The following WDR47 variants were observed in gnomAD, a reference collection of about 807,000 sequenced individuals.
The protein encoded by WDR47 is WD repeat-containing protein 47.
Under a neutral mutation model 97.2 loss-of-function variants are expected in WDR47, and 32 were observed. The ratio of observed to expected loss-of-function variants is 0.33; its 90% CI spans 0.25 to 0.44. WDR47 has a LOEUF of 0.44. Ranked by LOEUF, WDR47 falls within the 20% of genes least tolerant of loss-of-function variation. The pLI is 1.00. For synonymous variants in WDR47, 375 were observed against 373.5 expected, an observed-to-expected ratio of 1.00 and a Z score of -0.05; for missense variants, 782 against 1,102.3, an observed-to-expected ratio of 0.71 and a Z score of 4.11.
intron 7 of WDR47, among the ~76,000 whole-genome samples, chr1:108,996,539 G>C (rs1377736561): frequency 6.6e-6 from 1 of 152,124 alleles, no homozygotes; most frequent in Non-Finnish European, 1.5e-5. Context: ...CATCTGTCTT[G>C]AGTAGTATCA....
At chr1:108,984,363 G>T (rs1658597374) in intron 10 of WDR47, among the ~76,000 whole-genome samples, 1 of 152,152 alleles carries the variant, frequency 6.6e-6, no homozygotes, top group South Asian at 2.1e-4. Context: ...TGTTTCTGGA[G>T]ATTCATCCTG....
At chr1:109,041,124 GC>G (rs1297926874) in intron 1 of WDR47, among the ~76,000 whole-genome samples, 7 of 89,634 alleles carry the variant, frequency 7.8e-5, no homozygotes, top group Non-Finnish European at 1.6e-4. Flanking sequence ...GCCTACCCTC[GC>G]CCCCCGCCCC....
intron 2 of WDR47, among the ~76,000 whole-genome samples, chr1:109,020,119 A>T (rs961531745): frequency 1.3e-5 from 2 of 152,164 alleles, no homozygotes; most frequent in African/African-American, 4.8e-5. Context: ...TTTTTAAATA[A>T]AAATAAGGCA....
chr1:108,974,427 T>A (rs1049043064), intron 14 of WDR47, 109 bp downstream of exon 14: 1 of 817,350 alleles, frequency 1.2e-6, no homozygotes. Context: ...CAATAAATAC[T>A]ATAAAATAAT....
At chr1:109,021,894 C>G (rs1457099160) in intron 2 of WDR47, among the ~76,000 whole-genome samples, 1 of 151,990 alleles carries the variant, frequency 6.6e-6, no homozygotes, top group East Asian at 1.9e-4. Flanking sequence ...GTCGCCCAGG[C>G]TGGAGTACAG....
intron 1 of WDR47, among the ~76,000 whole-genome samples, chr1:109,035,894 T>C (rs995565525): frequency 3.3e-5 from 5 of 151,928 alleles, no homozygotes; most frequent in Admixed American, 2.6e-4. Context: ...GGCCTGTTCA[T>C]AGCACACTAC....
chr1:109,001,694 A>G (rs1660203041), intron 7 of WDR47, among the ~76,000 whole-genome samples: 1 of 152,186 alleles, frequency 6.6e-6, no homozygotes, highest in Non-Finnish European at 1.5e-5. Flanking sequence ...GTTTGAGACC[A>G]GCCTGGGCAA....
chr1:108,976,764 G>T (rs2101790879), intron 13 of WDR47, among the ~76,000 whole-genome samples: 1 of 152,344 alleles, frequency 6.6e-6, no homozygotes, highest in South Asian at 2.1e-4. Flanking sequence ...ACCTAACCAT[G>T]AGAAGACAAG....
At position 109,017,749 on chromosome 1, in the gene WDR47, A is replaced by C. The variant is rs918605503; in HGVS notation, c.159-148T>G. The C allele has an allele frequency of 5.4e-6, 3 of 556,384 alleles. No homozygotes were observed. In the East Asian group the frequency reaches 1.1e-4, roughly 20 times the overall value. The allele number at this position is 556,384 out of a possible 1,614,324, so 34.5% of individuals were successfully genotyped here. A position where few individuals can be genotyped will look rare whatever the true frequency, so the allele number is the denominator to read the frequency against. ...TTGATTCCTCAAATAAATTTTTCATAATTTTTTTTTTTTTTGAGACAGAGT... is the reference window on the plus strand; with the variant it reads ...TTGATTCCTCAAATAAATTTTTCATCATTTTTTTTTTTTTTGAGACAGAGT... On this transcript the variant is annotated intron_variant, in intron 2 of 14. Transcript: ENST00000369962.
intron 3 of WDR47, among the ~76,000 whole-genome samples, chr1:109,016,967 T>C (rs1661464777): frequency 6.6e-6 from 1 of 151,938 alleles, no homozygotes; most frequent in Non-Finnish European, 1.5e-5. Flanking sequence ...AATGAACAGA[T>C]GGAAAAATCT....
At chr1:109,020,804 T>C (rs1347995691) in intron 2 of WDR47, among the ~76,000 whole-genome samples, 1 of 150,828 alleles carries the variant, frequency 6.6e-6, no homozygotes, top group Non-Finnish European at 1.5e-5. Flanking sequence ...TTAAATAGAG[T>C]CCCCTAATAT....
At chr1:109,000,419 G>C (rs1290114683) in intron 7 of WDR47, among the ~76,000 whole-genome samples, 1 of 144,720 alleles carries the variant, frequency 6.9e-6, no homozygotes, top group Non-Finnish European at 1.5e-5. Flanking sequence ...TGAGGCAGGA[G>C]AACCGCTTGA....
At chr1:108,994,626 G>T (rs1488804407) in intron 8 of WDR47, among the ~76,000 whole-genome samples, 2 of 152,018 alleles carry the variant, frequency 1.3e-5, no homozygotes, top group African/African-American at 4.8e-5. Context: ...CAAATGGGTT[G>T]AAAATGGCAG....
chr1:109,027,812 A>C (rs1439454032), intron 1 of WDR47, among the ~76,000 whole-genome samples: 1 of 151,976 alleles, frequency 6.6e-6, no homozygotes, highest in Non-Finnish European at 1.5e-5. Flanking sequence ...ATGAGCCACC[A>C]TGCCCAGCTA....
intron 1 of WDR47, among the ~76,000 whole-genome samples, chr1:109,039,485 T>C (rs1421931957): frequency 6.6e-6 from 1 of 152,322 alleles, no homozygotes; most frequent in East Asian, 1.9e-4. Flanking sequence ...CTCAAACTCC[T>C]GACCTCACGT....
intron 1 of WDR47, among the ~76,000 whole-genome samples, chr1:109,037,315 G>A (rs1316908665): frequency 1.4e-5 from 2 of 144,470 alleles, no homozygotes; most frequent in African/African-American, 5.1e-5. Flanking sequence ...GGCAACAAGA[G>A]CAAAACTCCG....
chr1:109,003,379 TTTTTAA>T (rs1557937810), intron 6 of WDR47, among the ~76,000 whole-genome samples: 1 of 152,238 alleles, frequency 6.6e-6, no homozygotes, highest in Admixed American at 6.5e-5. Flanking sequence ...CTTCATTCTT[TTTTTAA>T]TTTTAATTTT....
At chr1:109,029,702 A>C (rs1662478600) in intron 1 of WDR47, among the ~76,000 whole-genome samples, 2 of 140,830 alleles carry the variant, frequency 1.4e-5, no homozygotes, top group Non-Finnish European at 3.1e-5. Flanking sequence ...TAAATAAATA[A>C]ATAAATAAAT....
chr1:109,018,716 G>A lies in WDR47; in HGVS notation c.159-1115C>T, dbSNP rs1440144827. The stretch of plus-strand genomic sequence containing the variant: ...TGTGGTCCCAGCTACTCGGGAGGCT[G>A]AGGTGGGAGGATCACTTGAGCCCAG... On this transcript the variant is annotated intron_variant, in intron 2 of 14. Transcript: ENST00000369962. 4.6e-5 allele frequency among the ~76,000 whole-genome samples: 7 copies of A among 151,976 alleles called. No homozygotes were observed. In the South Asian group the frequency reaches 8.3e-4, roughly 18 times the overall value.
Sources: allele counts gnomAD v4.1 joint callset (sites outside exome capture counted in the v4.1 genomes callset), GRCh38; gene constraint gnomAD v4.1.1; transcripts MANE v1.5; gene names NCBI Gene and HGNC (gene_info 2026-07-23, HGNC 2026-07-21).